The following PPIL6 variants were observed in gnomAD, a reference collection of about 807,000 sequenced individuals.
PPIL6 encodes the protein probable inactive peptidyl-prolyl cis-trans isomerase-like 6.
Under a neutral mutation model 36.8 loss-of-function variants are expected in PPIL6, and 39 were observed. The ratio of observed to expected loss-of-function variants is 1.06; its 90% CI spans 0.82 to 1.38. The LOEUF is 1.38. Ranked by LOEUF, PPIL6 falls within the 40% of genes most tolerant of loss-of-function variation. PPIL6 has a pLI of 0.00. For missense variants in PPIL6, 368 were observed against 379.1 expected, an observed-to-expected ratio of 0.97 and a Z score of 0.24; for synonymous variants, 123 against 134.1, an observed-to-expected ratio of 0.92 and a Z score of 0.57.
At chr6:109,411,697 T>C (rs1773019914) in intron 6 of PPIL6, among the ~76,000 whole-genome samples, 2 of 152,214 alleles carry the variant, frequency 1.3e-5, no homozygotes, top group Admixed American at 6.5e-5. Context: ...TTTTCTAGAT[T>C]ACAACAGTTC....
At chr6:109,394,140 G>A (rs988884565) in intron 7 of PPIL6, among the ~76,000 whole-genome samples, 19 of 152,142 alleles carry the variant, frequency 1.2e-4, no homozygotes, top group Admixed American at 1.2e-3. Context: ...GGAGGCCAAG[G>A]CAGCTGGATT....
chr6:109,417,060 C>T (rs767953344), intron 6 of PPIL6, among the ~76,000 whole-genome samples: 3 of 151,320 alleles, frequency 2.0e-5, no homozygotes, highest in Non-Finnish European at 4.4e-5. Flanking sequence ...GTCCTAGTTA[C>T]CTGGGAGGTT....
intron 6 of PPIL6, among the ~76,000 whole-genome samples, chr6:109,415,507 G>C (rs182262127): frequency 2.0e-5 from 3 of 152,232 alleles, no homozygotes; most frequent in East Asian, 3.9e-4. Context: ...TCCATATCTT[G>C]ACAACGTTCA....
intron 6 of PPIL6, among the ~76,000 whole-genome samples, chr6:109,415,439 C>G (rs1431119965): frequency 3.9e-5 from 6 of 152,146 alleles, no homozygotes; most frequent in African/African-American, 1.4e-4. Flanking sequence ...TCATCTCTAT[C>G]AACTCATCTT....
At chr6:109,424,042 A>G (rs528480098) in intron 5 of PPIL6, among the ~76,000 whole-genome samples, 1 of 152,236 alleles carries the variant, frequency 6.6e-6, no homozygotes, top group East Asian at 1.9e-4. Flanking sequence ...AACATATGGT[A>G]GTATGTCTAA....
chr6:109,436,438 C>T (rs1287588004), intron 1 of PPIL6, among the ~76,000 whole-genome samples: 1 of 152,182 alleles, frequency 6.6e-6, no homozygotes, highest in Admixed American at 6.5e-5. Flanking sequence ...GTCTTAGAGG[C>T]TGGGCGCAGT....
intron 6 of PPIL6, among the ~76,000 whole-genome samples, chr6:109,412,209 G>A (rs1773043904): frequency 6.6e-6 from 1 of 152,152 alleles, no homozygotes; most frequent in African/African-American, 2.4e-5. Context: ...TTAAAAGTGG[G>A]TATAAATGTG....
At chr6:109,426,500 A>G (rs1262885386) in intron 5 of PPIL6, among the ~76,000 whole-genome samples, 1 of 148,442 alleles carries the variant, frequency 6.7e-6, no homozygotes, top group East Asian at 1.9e-4. Flanking sequence ...TCCCACTCTT[A>G]GCATACTTAT....
chr6:109,422,982 T>C (rs1269996340), intron 5 of PPIL6, among the ~76,000 whole-genome samples: 2 of 152,238 alleles, frequency 1.3e-5, no homozygotes, highest in Non-Finnish European at 2.9e-5. Flanking sequence ...GCAGCGCTCA[T>C]TCTTAAAGAG....
chr6:109,431,421 C>A (rs542590744), intron 2 of PPIL6, 76 bp from the exon 3 acceptor site: 2 of 1,073,222 alleles, frequency 1.9e-6, no homozygotes, highest in South Asian at 1.6e-5. Flanking sequence ...TAAGCCAGAG[C>A]TTAGGATCAA....
chr6:109,431,360 G>GAAAAAAAA lies in PPIL6; in HGVS notation c.232-16_232-15insTTTTTTTT. On this transcript the variant is annotated splice_polypyrimidine_tract_variant and intron_variant, in intron 2 of 7. Transcript: ENST00000521072. ...TTTTTGAGTTCCTGTAAGGGAAAAG[G>GAAAAAAAA]ACAAAAAAAAAAAAAAACGTAAGAA... is the stretch of plus-strand genomic sequence containing the variant. 1 of 878,934 alleles carries GAAAAAAAA rather than the reference G, an allele frequency of 1.1e-6. No homozygotes were observed. Among genetic ancestry groups the GAAAAAAAA allele is most frequent in the African/African-American group, 4.3e-5 (1 of 23,124 alleles). The allele number at this position is 878,934 out of a possible 1,614,324, so 54.4% of individuals were successfully genotyped here.
chr6:109,440,624 A>C lies in PPIL6; in HGVS notation c.-34T>G, dbSNP rs1281759921. 8.3e-7 allele frequency: 1 copy of C among 1,211,864 alleles called. No homozygotes were observed. The highest frequency in any genetic ancestry group is 1.0e-6 in the Non-Finnish European group (1 of 975,364). The allele number at this position is 1,211,864 out of a possible 1,614,324, so 75.1% of individuals were successfully genotyped here. ...CCGGGGACGCCCGGTGACCCCAAAC[A>C]CTGCGCGTCGCTCCGGCAACCGCGC... On this transcript the variant is annotated 5_prime_UTR_variant, in exon 1 of 8. Transcript: ENST00000521072.
intron 7 of PPIL6, among the ~76,000 whole-genome samples, chr6:109,394,030 G>A (rs1772198797): frequency 6.6e-6 from 1 of 152,148 alleles, no homozygotes. Context: ...GCACTACCAG[G>A]CACCTGACAA....
chr6:109,437,489 C>G (rs1182814938), intron 1 of PPIL6, among the ~76,000 whole-genome samples: 4 of 151,810 alleles, frequency 2.6e-5, no homozygotes, highest in Non-Finnish European at 5.9e-5. Flanking sequence ...TCTTGTTTCT[C>G]AGTTCCAGTG....
intron 3 of PPIL6, among the ~76,000 whole-genome samples, chr6:109,428,567 A>C (rs1773950843): frequency 6.6e-6 from 1 of 151,892 alleles, no homozygotes; most frequent in Non-Finnish European, 1.5e-5. Flanking sequence ...AAAAAAAAAA[A>C]AAAACCACCT....
chr6:109,417,720 CA>C (rs1233109708), intron 6 of PPIL6, among the ~76,000 whole-genome samples: 3 of 152,186 alleles, frequency 2.0e-5, no homozygotes, highest in African/African-American at 7.2e-5. Flanking sequence ...CAAAGAACTA[CA>C]AAAGCCACAA....
chr6:109,427,179 T>C (rs780064889), intron 3 of PPIL6, 23 bp from the exon 4 acceptor site: 2 of 1,576,686 alleles, frequency 1.3e-6, no homozygotes, highest in East Asian at 2.2e-5. Context: ...AGGAGAATCA[T>C]ATAATGCAGG....
chr6:109,433,520 T>C (rs1774278700), intron 2 of PPIL6, among the ~76,000 whole-genome samples: 1 of 152,250 alleles, frequency 6.6e-6, no homozygotes, highest in South Asian at 2.1e-4. Flanking sequence ...GCCTGCCTCA[T>C]GTGAACAGCA....
intron 7 of PPIL6, among the ~76,000 whole-genome samples, chr6:109,395,687 C>G (rs1772270925): frequency 6.6e-6 from 1 of 151,424 alleles, no homozygotes; most frequent in African/African-American, 2.4e-5. Context: ...TCACTGCAAC[C>G]TCTGCCTCCC....
Sources: gnomAD v4.1 joint callset for allele counts (sites outside exome capture counted in the v4.1 genomes callset) on GRCh38, gnomAD v4.1.1 for gene constraint, MANE v1.5 for transcripts, NCBI Gene and HGNC (gene_info 2026-07-23, HGNC 2026-07-21) for gene names.